ZNF385D: variants seen among roughly 807,000 people sequenced by gnomAD.
ZNF385D encodes zinc finger protein 659.
In ZNF385D, 15 loss-of-function variants were observed where a neutral mutation model predicts 35.8. The ratio of observed to expected loss-of-function variants is 0.42; its 90% CI spans 0.28 to 0.64. ZNF385D has a LOEUF of 0.64. Ranked by LOEUF, ZNF385D falls within the 30% of genes least tolerant of loss-of-function variation. The pLI is 0.23. For synonymous variants in ZNF385D, 212 were observed against 186.8 expected (o/e 1.13, Z -1.10); for missense variants, 474 against 494.6 (o/e 0.96, Z 0.39).
intron 1 of ZNF385D, among the ~76,000 whole-genome samples, chr3:21,673,147 A>G (rs1575436815): frequency 6.6e-6 from 1 of 152,158 alleles, no homozygotes; most frequent in South Asian, 2.1e-4. Flanking sequence ...ATTTCACACC[A>G]TGAATCATAA....
intron 2 of ZNF385D, among the ~76,000 whole-genome samples, chr3:21,581,066 A>G (rs2063644505): frequency 6.6e-6 from 1 of 152,102 alleles, no homozygotes; most frequent in Non-Finnish European, 1.5e-5. Flanking sequence ...AGTGATGTGG[A>G]ATTCAAGCCA....
chr3:21,624,262 C>T (rs2065079164), intron 2 of ZNF385D, among the ~76,000 whole-genome samples: 1 of 152,016 alleles, frequency 6.6e-6, no homozygotes, highest in African/African-American at 2.4e-5. Flanking sequence ...CCCAGCTTGG[C>T]CACAAACCTT....
chr3:22,329,196 G>T (rs1384713261), intron 2 of ZNF385D, among the ~76,000 whole-genome samples: 1 of 151,820 alleles, frequency 6.6e-6, no homozygotes. Context: ...TGTACATCCT[G>T]CAATAAGCCT....
chr3:22,340,648 AAAT>A lies in ZNF385D; in HGVS notation c.106+31799_106+31801del, dbSNP rs1217611594. 2.6e-5 allele frequency among the ~76,000 whole-genome samples: 4 copies of A among 152,268 alleles called. 1 individual carries two copies. Among genetic ancestry groups the A allele is most frequent in the South Asian group, 4.1e-4 (2 of 4,824 alleles). Reference sequence around the variant, plus strand: ...GTGACAGAGTGAGACTCTGTCTCCAAAATAATAATAATAAGATGTGAATAGGAC... The same window carrying A: ...GTGACAGAGTGAGACTCTGTCTCCAAAATAATAATAAGATGTGAATAGGAC... On this transcript the variant is annotated intron_variant, in intron 2 of 5. Transcript: ENST00000494108.
At chr3:21,910,084 TACACAC>T (rs112815077) in intron 3 of ZNF385D, among the ~76,000 whole-genome samples, 5 of 149,344 alleles carry the variant, frequency 3.3e-5, no homozygotes, top group African/African-American at 7.4e-5. Context: ...ACATATATTT[TACACAC>T]ACACACACAC....
rs1489616539 is a variant in ZNF385D at position 22,287,819 on chromosome 3, T to C, written c.106+84631A>G. ...CATTATAGTATTAGAATGTTTTAAA[T>C]CTAAAAATTTATTTACTTTTATTTT... is the stretch of plus-strand genomic sequence containing the variant. On this transcript the variant is annotated intron_variant, in intron 2 of 5. Coordinates refer to the ZNF385D transcript ENST00000494108. Among the ~76,000 whole-genome samples, 4 of 152,006 alleles carry C rather than the reference T, an allele frequency of 2.6e-5. No individual in the cohort carries two copies. In the East Asian group the frequency reaches 7.7e-4, roughly 29 times the overall value.
At chr3:21,534,343 C>G (rs1163743597) in intron 3 of ZNF385D, among the ~76,000 whole-genome samples, 1 of 152,010 alleles carries the variant, frequency 6.6e-6, no homozygotes, top group Non-Finnish European at 1.5e-5. Context: ...TAGATTTGAA[C>G]AGATTGTTCC....
intron 5 of ZNF385D, among the ~76,000 whole-genome samples, chr3:21,429,909 G>A (rs148578734): frequency 6.6e-6 from 1 of 151,958 alleles, no homozygotes; most frequent in Non-Finnish European, 1.5e-5. Context: ...CATACAAACA[G>A]CAAAATGCAA....
At chr3:22,332,281 A>T (rs1057338248) in intron 2 of ZNF385D, among the ~76,000 whole-genome samples, 1 of 152,146 alleles carries the variant, frequency 6.6e-6, no homozygotes, top group African/African-American at 2.4e-5. Context: ...TAGCAGGTTT[A>T]TTTGTAAATC....
intron 1 of ZNF385D, among the ~76,000 whole-genome samples, chr3:21,735,899 G>A (rs75584643): frequency 0.26 from 39,794 of 152,096 alleles, 6,192 homozygotes; most frequent in South Asian, 0.4. Flanking sequence ...CTAACAGCAA[G>A]GGCTGGGAAA....
intron 2 of ZNF385D, among the ~76,000 whole-genome samples, chr3:21,614,629 C>T (rs2125797677): frequency 6.6e-6 from 1 of 152,260 alleles, no homozygotes; most frequent in East Asian, 1.9e-4. Flanking sequence ...CTCACTATGT[C>T]ACAAGCTGGA....
chr3:21,752,316 T>G (rs116893168), upstream of ZNF385D, among the ~76,000 whole-genome samples: 289 of 152,258 alleles, frequency 1.9e-3, 5 homozygotes, highest in East Asian at 0.042. Flanking sequence ...ATTTATGAAA[T>G]TAAGAACCAA....
chr3:21,940,378 G>T (rs973609740), intron 3 of ZNF385D, among the ~76,000 whole-genome samples: 1 of 152,074 alleles, frequency 6.6e-6, no homozygotes, highest in African/African-American at 2.4e-5. Context: ...CTGTCAAATG[G>T]GAAAAAGAAT....
intron 3 of ZNF385D, among the ~76,000 whole-genome samples, chr3:21,953,368 T>G (rs1702151156): frequency 1.3e-5 from 2 of 152,014 alleles, no homozygotes; most frequent in Admixed American, 6.6e-5. Context: ...ACTGGATCTT[T>G]GAATTCCATT....
intron 3 of ZNF385D, among the ~76,000 whole-genome samples, chr3:22,079,369 CATTA>C (rs1180516801): frequency 4.6e-5 from 7 of 151,872 alleles, no homozygotes; most frequent in Non-Finnish European, 8.8e-5. Flanking sequence ...ATGATTACAA[CATTA>C]ATTATATAAT....
At chr3:21,669,408 G>C (rs972769522) in intron 1 of ZNF385D, among the ~76,000 whole-genome samples, 3 of 152,056 alleles carry the variant, frequency 2.0e-5, no homozygotes, top group Non-Finnish European at 4.4e-5. Context: ...CATAATAAAT[G>C]TTGTTTCGGT....
At chr3:22,137,651 G>C (rs568586516) in intron 3 of ZNF385D, among the ~76,000 whole-genome samples, 9 of 152,220 alleles carry the variant, frequency 5.9e-5, no homozygotes, top group Non-Finnish European at 1.2e-4. Flanking sequence ...AATAAATTAG[G>C]TATTGATGGG....
chr3:21,835,128 G>C lies in ZNF385D; in HGVS notation c.326-170100C>G, dbSNP rs1695247756. On this transcript the variant is annotated intron_variant, in intron 3 of 5. Transcript: ENST00000494108. Reference sequence around the variant, plus strand: ...ATGAACACACATTCATCAACATTTAGTTATTATTTAAATTCAAATCTACTA... The same window carrying C: ...ATGAACACACATTCATCAACATTTACTTATTATTTAAATTCAAATCTACTA... 3.3e-5 allele frequency among the ~76,000 whole-genome samples: 5 copies of C among 151,832 alleles called. No homozygotes were observed. In the South Asian group the frequency reaches 1.0e-3, roughly 32 times the overall value.
intron 3 of ZNF385D, among the ~76,000 whole-genome samples, chr3:22,155,515 AG>A (rs796607072): frequency 6.6e-6 from 1 of 152,206 alleles, no homozygotes; most frequent in East Asian, 1.9e-4. Flanking sequence ...GTTAGTGATT[AG>A]GCAAAAGGGG....
Sources: gnomAD v4.1 joint callset for allele counts (sites outside exome capture counted in the v4.1 genomes callset) on GRCh38, gnomAD v4.1.1 for gene constraint, MANE v1.5 for transcripts, NCBI Gene and HGNC (gene_info 2026-07-23, HGNC 2026-07-21) for gene names.